RPS6KC1: variants seen among roughly 807,000 people sequenced by gnomAD.
RPS6KC1 encodes ribosomal protein S6 kinase C1.
A neutral mutation model predicts 103.8 loss-of-function variants in RPS6KC1; 54 were observed. That is an observed-to-expected ratio of 0.52 (90% CI 0.42 to 0.65). RPS6KC1 has a LOEUF of 0.65. Ranked by LOEUF, RPS6KC1 falls within the 30% of genes least tolerant of loss-of-function variation. The pLI, the probability that RPS6KC1 is intolerant of heterozygous loss-of-function variation, is 0.00. For missense variants in RPS6KC1, 1,151 were observed against 1,253.8 expected (o/e 0.92, Z 1.24); for synonymous variants, 439 against 438.7 (o/e 1.00, Z -0.01).
At chr1:213,505,907 A>T in the RPS6KC1 span, among the ~76,000 whole-genome samples, 2 of 152,024 alleles carry the variant, frequency 1.3e-5, no homozygotes, top group East Asian at 3.9e-4. Flanking sequence ...CAAGTGCCTG[A>T]TTTTTCTTAA....
the RPS6KC1 span, among the ~76,000 whole-genome samples, chr1:213,522,605 C>T: frequency 6.6e-6 from 1 of 152,172 alleles, no homozygotes; most frequent in Non-Finnish European, 1.5e-5. Flanking sequence ...TTAGTGTAGC[C>T]ACCTCCATCA....
intron 6 of RPS6KC1, among the ~76,000 whole-genome samples, chr1:213,136,685 G>A (rs2086303504): frequency 6.6e-6 from 1 of 151,998 alleles, no homozygotes; most frequent in African/African-American, 2.4e-5. Flanking sequence ...ATACAGAAAA[G>A]TAAATATCAT....
the RPS6KC1 span, among the ~76,000 whole-genome samples, chr1:213,380,239 C>T: frequency 6.6e-6 from 1 of 152,318 alleles, no homozygotes; most frequent in South Asian, 2.1e-4. Context: ...AAACCAAACG[C>T]TGTATGTTCT....
At chr1:213,494,099 G>A in the RPS6KC1 span, among the ~76,000 whole-genome samples, 1 of 152,056 alleles carries the variant, frequency 6.6e-6, no homozygotes, top group Non-Finnish European at 1.5e-5. Context: ...ATAGGGAGTA[G>A]GAATTAAATA....
chr1:213,245,210 G>C (rs1462134931), intron 12 of RPS6KC1, among the ~76,000 whole-genome samples: 1 of 152,096 alleles, frequency 6.6e-6, no homozygotes, highest in Non-Finnish European at 1.5e-5. Context: ...CAAAACTACA[G>C]ATAGGTTTTC....
At chr1:213,220,555 G>T (rs1354371163) in intron 8 of RPS6KC1, among the ~76,000 whole-genome samples, 1 of 152,096 alleles carries the variant, frequency 6.6e-6, no homozygotes, top group Non-Finnish European at 1.5e-5. Context: ...CGAACTCCTG[G>T]CCTCAGCAAT....
chr1:213,809,930 A>G, the RPS6KC1 span, among the ~76,000 whole-genome samples: 6 of 152,246 alleles, frequency 3.9e-5, no homozygotes, highest in Admixed American at 2.0e-4. Flanking sequence ...AGCTGGGAAT[A>G]GTTGTGAAAT....
At chr1:213,653,897 TC>T in the RPS6KC1 span, among the ~76,000 whole-genome samples, 14 of 152,322 alleles carry the variant, frequency 9.2e-5, no homozygotes, top group African/African-American at 3.4e-4. Flanking sequence ...ACATCTCTTT[TC>T]CAGGGAAGTA....
At chr1:213,299,572 T>A in the RPS6KC1 span, among the ~76,000 whole-genome samples, 5,154 of 107,418 alleles carry the variant, frequency 0.048, 139 homozygotes, top group Middle Eastern at 0.099. Flanking sequence ...AAAAAAAAAA[T>A]ATGTCGTGAG....
chr1:213,686,340 AG>A, the RPS6KC1 span, among the ~76,000 whole-genome samples: 2 of 152,164 alleles, frequency 1.3e-5, no homozygotes, highest in Non-Finnish European at 2.9e-5. Flanking sequence ...TTGGAAACTG[AG>A]GTCAGTGTAG....
chr1:213,391,372 G>C, the RPS6KC1 span, among the ~76,000 whole-genome samples: 2 of 152,136 alleles, frequency 1.3e-5, no homozygotes, highest in African/African-American at 4.8e-5. Flanking sequence ...CAAGAGACCA[G>C]TACAACTTGC....
the RPS6KC1 span, among the ~76,000 whole-genome samples, chr1:213,837,017 C>A: frequency 6.6e-6 from 1 of 152,172 alleles, no homozygotes; most frequent in African/African-American, 2.4e-5. Flanking sequence ...GGTCTGGAAA[C>A]AAGAGAAGTG....
At chr1:213,251,648 C>T (rs1414265971) in intron 12 of RPS6KC1, among the ~76,000 whole-genome samples, 1 of 152,158 alleles carries the variant, frequency 6.6e-6, no homozygotes, top group Non-Finnish European at 1.5e-5. Context: ...AACTCTTTAG[C>T]CTACAACTTG....
At chr1:213,231,250 A>G (rs1369019069) in intron 9 of RPS6KC1, among the ~76,000 whole-genome samples, 1 of 152,206 alleles carries the variant, frequency 6.6e-6, no homozygotes, top group Non-Finnish European at 1.5e-5. Context: ...AAGAGCTAAA[A>G]TTTTGCCTTA....
At chr1:213,328,738 C>A in the RPS6KC1 span, among the ~76,000 whole-genome samples, 1 of 151,766 alleles carries the variant, frequency 6.6e-6, no homozygotes, top group Admixed American at 6.6e-5. Flanking sequence ...ACACACTGTC[C>A]TGTGTCATTT....
At chr1:213,351,937 C>G in the RPS6KC1 span, among the ~76,000 whole-genome samples, 1 of 151,434 alleles carries the variant, frequency 6.6e-6, no homozygotes, top group African/African-American at 2.4e-5. Flanking sequence ...AAATACTACT[C>G]TGGGCTGGAG....
the RPS6KC1 span, among the ~76,000 whole-genome samples, chr1:213,419,389 T>C: frequency 6.6e-6 from 1 of 152,232 alleles, no homozygotes; most frequent in South Asian, 2.1e-4. Flanking sequence ...TAGCCATTGA[T>C]TGAGCACTTA....
the RPS6KC1 span, among the ~76,000 whole-genome samples, chr1:213,359,929 G>C: frequency 6.6e-6 from 1 of 152,202 alleles, no homozygotes; most frequent in Non-Finnish European, 1.5e-5. Flanking sequence ...GAGATCAGCT[G>C]TTAGTCTGAT....
chr1:213,569,250 G>A, the RPS6KC1 span, among the ~76,000 whole-genome samples: 1 of 152,136 alleles, frequency 6.6e-6, no homozygotes, highest in African/African-American at 2.4e-5. Flanking sequence ...GTGGGTCTTA[G>A]CTCTCCCTTA....
Sources: allele counts gnomAD v4.1 joint callset (sites outside exome capture counted in the v4.1 genomes callset), GRCh38; gene constraint gnomAD v4.1.1; transcripts MANE v1.5; gene names NCBI Gene and HGNC (gene_info 2026-07-23, HGNC 2026-07-21).